The following CFAP298 variants were observed in gnomAD, a reference collection of about 807,000 sequenced individuals.
The protein encoded by CFAP298 is cilia and flagella associated protein 298, also known as cilia- and flagella-associated protein 298.
A neutral mutation model predicts 41.0 loss-of-function variants in CFAP298; 38 were observed. That is an observed-to-expected ratio of 0.93 (90% CI 0.72 to 1.22). CFAP298 has a LOEUF of 1.22. CFAP298 is among the 50% of genes most tolerant of loss of function. The pLI is 0.00. For missense variants in CFAP298, 348 were observed against 360.3 expected (o/e 0.97, Z 0.28); for synonymous variants, 137 against 135.3 (o/e 1.01, Z -0.09).
chr21:32,607,696 G>C lies in CFAP298; in HGVS notation c.328C>G (p.Gln110Glu), dbSNP rs369481919. The change falls in exon 3 of 7, where the codon CAA becomes GAA. Residue 110 changes from glutamine to glutamate, a missense_variant. Coordinates refer to ENST00000290155, the MANE Select transcript of CFAP298 (RefSeq NM_021254.4). ...TCTTCTATAGTCTTCTTTAACACTT[G>C]CTTCATCTTCTCATTTGGAGCTATA... ...NGQAPNEKMK[Q>E]VLKKTIEEAK... 3 of 1,598,378 alleles carry C rather than the reference G, an allele frequency of 1.9e-6. No homozygotes were observed. The African/African-American group carries it at 4.0e-5, about 22-fold the overall frequency.
chr21:32,603,237 T>G lies in CFAP298; in HGVS notation c.590A>C (p.Glu197Ala). Residue 197 changes from glutamate (E) to alanine (A), a missense_variant, in exon 5 of 7, where the codon GAG becomes GCG. Physicochemically the swap from Glu to Ala is moderately radical, Grantham distance 107. Transcript: ENST00000290155. ...TGAAAGCTTCTTCGTTCTTCTCAGC[T>G]CCTTGGCTGCCCACCACAGCTGCGC... ...AEAQLWWAAKELRRTKKLSDY... is the reference protein window; with the variant it reads ...AEAQLWWAAKALRRTKKLSDY... 6.2e-7 allele frequency: 1 copy of G among 1,614,176 alleles called. No homozygotes were observed.
chr21:32,599,668 C>T lies in CFAP298; in HGVS notation c.*2195G>A, dbSNP rs984860666. 6.6e-6 allele frequency among the ~76,000 whole-genome samples: 1 copy of T among 152,240 alleles called. No individual in the cohort carries two copies. Among genetic ancestry groups the T allele is most frequent in the Non-Finnish European group, 1.5e-5 (1 of 68,048 alleles). Reference sequence around the variant, plus strand: ...CCTGTGGTCCTACCACCACTAGCTACCTGTGACCTTGGGTGAGTCAGCAAG... The same window carrying T: ...CCTGTGGTCCTACCACCACTAGCTATCTGTGACCTTGGGTGAGTCAGCAAG... On this transcript the variant is annotated 3_prime_UTR_variant, in exon 7 of 7. Coordinates refer to ENST00000290155, the MANE Select transcript of CFAP298 (RefSeq NM_021254.4).
intron 5 of CFAP298, 170 bp from the exon 6 acceptor site, chr21:32,602,537 GC>G: frequency 1.4e-6 from 2 of 1,427,860 alleles, no homozygotes; most frequent in Non-Finnish European, 9.1e-7. Flanking sequence ...GTCTTGAGCA[GC>G]CCTGAGCCCT....
rs2038876260 is a variant in CFAP298, at chr21:32,606,820, CTTCT to C, written c.375+825_375+828del. Among the ~76,000 whole-genome samples the C allele has an allele frequency of 2.0e-5, 3 of 152,244 alleles. No individual in the cohort carries two copies. The South Asian group carries it at 6.2e-4, about 31-fold the overall frequency. ...ATACAAGCAACAGATACAGATACCA[CTTCT>C]TTCAATAGCCTTAAATTCTCTTCCT... On this transcript the variant is annotated intron_variant, in intron 3 of 6. Transcript: ENST00000290155.
intron 4 of CFAP298, 52 bp from the exon 5 acceptor site, chr21:32,603,344 G>A (rs1311028910): frequency 3.8e-6 from 6 of 1,593,440 alleles, no homozygotes; most frequent in Non-Finnish European, 4.3e-6. Context: ...CCAGGGGGCA[G>A]AGCCCAGCTG....
chr21:32,603,605 T>C (rs1057254493), intron 4 of CFAP298, among the ~76,000 whole-genome samples: 1 of 152,232 alleles, frequency 6.6e-6, no homozygotes, highest in African/African-American at 2.4e-5. Flanking sequence ...GGCATCGTGC[T>C]GGGTGTTTAA....
chr21:32,607,800 T>A, intron 2 of CFAP298, 84 bp from the exon 3 acceptor site: 1 of 815,422 alleles, frequency 1.2e-6, no homozygotes, highest in Non-Finnish European at 2.0e-6. Context: ...TCTGTCTGAG[T>A]CAGGGGGTAA....
At chr21:32,605,631 G>A (rs553842318) in intron 3 of CFAP298, among the ~76,000 whole-genome samples, 16 of 152,146 alleles carry the variant, frequency 1.1e-4, no homozygotes, top group Non-Finnish European at 1.5e-4. Flanking sequence ...TTGATGTGCC[G>A]GGTGACACAC....
intron 1 of CFAP298, among the ~76,000 whole-genome samples, chr21:32,611,785 T>C (rs528417249): frequency 8.3e-4 from 127 of 152,276 alleles, no homozygotes; most frequent in South Asian, 7.9e-3. Context: ...ACGTGATTAA[T>C]TGCACTAAGT....
At chr21:32,611,423 A>G in intron 1 of CFAP298, among the ~76,000 whole-genome samples, 1 of 147,434 alleles carries the variant, frequency 6.8e-6, no homozygotes, top group Non-Finnish European at 1.5e-5. Flanking sequence ...ATATTTATAT[A>G]TATTTAATTA....
In CFAP298 at chr21:32,599,638, G is replaced by A. The variant is rs1191591089; in HGVS notation, c.*2225C>T. On this transcript the variant is annotated 3_prime_UTR_variant, in exon 7 of 7. Coordinates refer to ENST00000290155, the MANE Select transcript of CFAP298 (RefSeq NM_021254.4). ...GGAAATCCTGGGAAAGTTCCTGGAC[G>A]TGACCCTGTGGTCCTACCACCACTA... Among the ~76,000 whole-genome samples, 2 of 152,222 alleles carry A rather than the reference G, an allele frequency of 1.3e-5. No homozygotes were observed. Among genetic ancestry groups the A allele is most frequent in the African/African-American group, 2.4e-5 (1 of 41,450 alleles).
At chr21:32,610,432 T>G (rs962861954) in intron 1 of CFAP298, among the ~76,000 whole-genome samples, 2 of 152,154 alleles carry the variant, frequency 1.3e-5, no homozygotes, top group Non-Finnish European at 2.9e-5. Context: ...CTAGAACTCC[T>G]AGGCTCAAGT....
rs375465953 is a variant in CFAP298 at position 32,607,644 on chromosome 21, C to A, written c.375+5G>T. 8.9e-5 allele frequency: 136 copies of A among 1,532,828 alleles called. No homozygotes were observed. The highest frequency in any genetic ancestry group is 1.1e-4 in the Non-Finnish European group (119 of 1,131,198). 95.0% of individuals were successfully genotyped at this position (1,532,828 alleles called of 1,614,324 possible). A position where few individuals can be genotyped will look rare whatever the true frequency, so the allele number is the denominator to read the frequency against. ...AGTTTTAGTGCATCATTTAAAAAAG[C>A]CAACCTTAGATATTATTGCTTTGGC... On this transcript the variant is annotated splice_donor_5th_base_variant and intron_variant, in intron 3 of 6. Coordinates refer to ENST00000290155, the MANE Select transcript of CFAP298 (RefSeq NM_021254.4).
rs377554956 is a variant in CFAP298 at position 32,602,275 on chromosome 21, G to C, written c.759C>G (p.Leu253=). 6.2e-7 allele frequency: 1 copy of C among 1,613,844 alleles called. No homozygotes were observed. Among genetic ancestry groups the C allele is most frequent in the Non-Finnish European group, 8.5e-7 (1 of 1,179,978 alleles). ...AAGCCCATCTGTCCCCTGCTACCTT[G>C]AGCTCCTCTTGTCTTCTGTGATAGT... ...MLYYHRRQEE[L]KRLEENDDDA... is the part of the protein sequence containing the mutation. Residue 253 remains leucine, a synonymous_variant, in exon 6 of 7, where the codon CTC becomes CTG. Coordinates refer to ENST00000290155, the MANE Select transcript of CFAP298 (RefSeq NM_021254.4).
In CFAP298 at chr21:32,603,334, C is replaced by A. The variant is rs758424013; in HGVS notation, c.535-42G>T. 9 of 1,610,210 alleles carry A rather than the reference C, an allele frequency of 5.6e-6. No individual in the cohort carries two copies. In the South Asian group the frequency reaches 7.7e-5, roughly 14 times the overall value. On this transcript the variant is annotated intron_variant, in intron 4 of 6. Coordinates refer to ENST00000290155, the MANE Select transcript of CFAP298 (RefSeq NM_021254.4). ...GAATGGCTTGACTGTGTGTTCCCAC[C>A]CAGGGGGCAGAGCCCAGCTGAGCCC... is the stretch of plus-strand genomic sequence containing the variant.
At position 32,611,338 on chromosome 21, in the gene CFAP298, T is replaced by A. The variant is rs559277352; in HGVS notation, c.139+767A>T. Among the ~76,000 whole-genome samples the A allele has an allele frequency of 7.0e-4, 93 of 132,268 alleles. 2 individuals are homozygous for A. In the South Asian group the frequency reaches 0.01, roughly 15 times the overall value. 86.8% of individuals were successfully genotyped at this position (132,268 alleles called of 152,430 possible). ...CATACCATATATATATATATATATA[T>A]AATTTATTTATATTTATATATACAT... On this transcript the variant is annotated intron_variant, in intron 1 of 6. Coordinates refer to ENST00000290155, the MANE Select transcript of CFAP298 (RefSeq NM_021254.4).
chr21:32,601,700 A>C lies in CFAP298; in HGVS notation c.*163T>G, dbSNP rs1045683035. On this transcript the variant is annotated 3_prime_UTR_variant, in exon 7 of 7. Coordinates refer to ENST00000290155, the MANE Select transcript of CFAP298 (RefSeq NM_021254.4). ...TGACTAGGTATTTATTAAGTTCTAAAACCTTGAATAACTGCTATTTTAAAA... is the reference window on the plus strand; with the variant it reads ...TGACTAGGTATTTATTAAGTTCTAACACCTTGAATAACTGCTATTTTAAAA... 3.6e-6 allele frequency: 2 copies of C among 563,034 alleles called. No homozygotes were observed. Among genetic ancestry groups the C allele is most frequent in the African/African-American group, 3.7e-5 (2 of 53,484 alleles). 34.9% of individuals were successfully genotyped at this position (563,034 alleles called of 1,614,324 possible). A position where few individuals can be genotyped will look rare whatever the true frequency, so the allele number is the denominator to read the frequency against.
intron 3 of CFAP298, 160 bp from the exon 4 acceptor site, chr21:32,604,443 G>A: frequency 4.0e-6 from 3 of 747,646 alleles, no homozygotes; most frequent in Non-Finnish European, 6.6e-6. Flanking sequence ...CAGGGGCTGA[G>A]CGAAGCACAC....
In CFAP298 at chr21:32,611,962, C is replaced by T. The variant is rs531933263; in HGVS notation, c.139+143G>A. The T allele has an allele frequency of 2.9e-4, 299 of 1,018,578 alleles. 1 individual carries two copies. Among genetic ancestry groups the T allele is most frequent in the Middle Eastern group, 1.9e-3 (6 of 3,090 alleles). 63.1% of individuals were successfully genotyped at this position (1,018,578 alleles called of 1,614,324 possible). ...GTTCCTTATTCATCTCCGGTTAACC[C>T]TAGTGTCCCGTTTCAACCCCGGCTG... On this transcript the variant is annotated intron_variant, in intron 1 of 6. Coordinates refer to ENST00000290155, the MANE Select transcript of CFAP298 (RefSeq NM_021254.4).
Sources: allele counts gnomAD v4.1 joint callset (sites outside exome capture counted in the v4.1 genomes callset), GRCh38; gene constraint gnomAD v4.1.1; transcripts MANE v1.5; gene names NCBI Gene and HGNC (gene_info 2026-07-23, HGNC 2026-07-21).